FOXP4: variants seen among roughly 807,000 people sequenced by gnomAD.
FOXP4 encodes forkhead box P4, also known as forkhead box protein P4.
A neutral mutation model predicts 82.6 loss-of-function variants in FOXP4; 25 were observed. The observed-to-expected ratio is 0.30, with a 90% CI of 0.22 to 0.42. The LOEUF (loss-of-function observed/expected upper bound fraction) is 0.42. Ranked by LOEUF, FOXP4 falls within the 10% of genes least tolerant of loss-of-function variation. The probability of loss-of-function intolerance (pLI) is 1.00; values close to 1 mark genes in which losing one functional copy is unlikely to be tolerated. For synonymous variants in FOXP4, 415 were observed against 388.2 expected (o/e 1.07, Z -0.81); for missense variants, 785 against 900.9 (o/e 0.87, Z 1.65).
chr6:41,558,996 G>C lies in FOXP4; in HGVS notation c.-16-6749G>C, dbSNP rs1764426079. Among the ~76,000 whole-genome samples the C allele has an allele frequency of 6.6e-6, 1 of 152,138 alleles. No homozygotes were observed. Among genetic ancestry groups the C allele is most frequent in the Non-Finnish European group, 1.5e-5 (1 of 68,030 alleles). ...TGTATTTCAAAGGTTTTTCATTCTG[G>C]AAAAGTCTGAAACCGACGACCCTTC... On this transcript the variant is annotated intron_variant, in intron 1 of 16. Coordinates refer to ENST00000307972, the MANE Select transcript of FOXP4 (RefSeq NM_001012426.2). This position sits in a 1 kb window ranked among gnomAD's most constrained non-coding sequence, Gnocchi z 4.0.
At chr6:41,547,888 C>T (rs1209324884) in intron 1 of FOXP4, among the ~76,000 whole-genome samples, 1 of 152,200 alleles carries the variant, frequency 6.6e-6, no homozygotes, top group Non-Finnish European at 1.5e-5. Context: ...AACAAACTTC[C>T]TTGGGCTGCG....
intron 3 of FOXP4, among the ~76,000 whole-genome samples, chr6:41,584,473 C>A (rs991484105): frequency 6.6e-6 from 1 of 152,230 alleles, no homozygotes; most frequent in African/African-American, 2.4e-5. Context: ...TAATAGCCAA[C>A]CCTTATGTGC....
chr6:41,551,825 A>C (rs976492576), intron 1 of FOXP4, among the ~76,000 whole-genome samples: 8 of 152,196 alleles, frequency 5.3e-5, no homozygotes, highest in African/African-American at 1.4e-4. Flanking sequence ...AGTTGTATCC[A>C]TCCTACGAAC....
intron 3 of FOXP4, among the ~76,000 whole-genome samples, chr6:41,581,833 A>G (rs978061257): frequency 2.0e-5 from 3 of 152,246 alleles, no homozygotes; most frequent in Non-Finnish European, 2.9e-5. Context: ...TTCCAAGGTC[A>G]TCTCTTCCAT....
At chr6:41,577,958 C>CT (rs775986665) in intron 2 of FOXP4, 28 bp from the exon 3 acceptor site, 2 of 1,579,574 alleles carry the variant, frequency 1.3e-6, no homozygotes, top group Non-Finnish European at 1.7e-6. Flanking sequence ...CCTCCCAGGC[C>CT]ATTGCTGACT....
At chr6:41,553,757 G>A (rs1472121517) in intron 1 of FOXP4, among the ~76,000 whole-genome samples, 1 of 152,204 alleles carries the variant, frequency 6.6e-6, no homozygotes, top group Admixed American at 6.5e-5. Context: ...GAAGGACCAA[G>A]CTAGGGACCT....
rs1472462382 is a variant in FOXP4, at chr6:41,601,667, G to A, written c.*2731G>A. 1 of 152,084 alleles carries A rather than the reference G, an allele frequency of 6.6e-6. No homozygotes were observed. Among genetic ancestry groups the A allele is most frequent in the Non-Finnish European group, 1.5e-5 (1 of 68,066 alleles). 9.4% of individuals were successfully genotyped at this position (152,084 alleles called of 1,614,324 possible). A position where few individuals can be genotyped will look rare whatever the true frequency, so the allele number is the denominator to read the frequency against. On this transcript the variant is annotated 3_prime_UTR_variant, in exon 17 of 17. Transcript: ENST00000307972. ...TTTTTTGTATTTTTAGTAGAGACGG[G>A]GTTTCTCTATGTTGGTCAGGCTGAT...
At chr6:41,563,682 T>C (rs1340121414) in intron 1 of FOXP4, among the ~76,000 whole-genome samples, 1 of 152,178 alleles carries the variant, frequency 6.6e-6, no homozygotes, top group Non-Finnish European at 1.5e-5. Flanking sequence ...AAGGCGCTGA[T>C]CAATATTGGG....
intron 14 of FOXP4, 32 bp downstream of exon 14, chr6:41,595,023 C>T: frequency 1.9e-6 from 3 of 1,613,328 alleles, no homozygotes; most frequent in Non-Finnish European, 2.5e-6. Flanking sequence ...TGGGCTGTAC[C>T]TGCCCAGGGG....
In FOXP4 at chr6:41,598,723, G is replaced by A. The variant is rs1561811167; in HGVS notation, c.1896-66G>A. ...GTGCCCCAGAGTTCTGGGTGAGTTT[G>A]GGGGGCAGGGGGCAGAGGGCATCAG... is the stretch of plus-strand genomic sequence containing the variant. On this transcript the variant is annotated intron_variant, in intron 16 of 16. Transcript: ENST00000307972. The A allele has an allele frequency of 1.9e-6, 3 of 1,546,010 alleles. No homozygotes were observed. The South Asian group carries it at 3.6e-5, about 18-fold the overall frequency.
chr6:41,581,728 C>T (rs890588921), intron 3 of FOXP4, among the ~76,000 whole-genome samples: 2 of 152,224 alleles, frequency 1.3e-5, no homozygotes, highest in Non-Finnish European at 2.9e-5. Flanking sequence ...CACCTCGAGA[C>T]GAGTGCACAC....
chr6:41,552,386 T>C (rs1268633344), intron 1 of FOXP4, among the ~76,000 whole-genome samples: 1 of 152,096 alleles, frequency 6.6e-6, no homozygotes, highest in Non-Finnish European at 1.5e-5. Flanking sequence ...GCCAGGCTTT[T>C]TGAGGCTGCG....
chr6:41,585,723 C>T (rs556059015), intron 5 of FOXP4, among the ~76,000 whole-genome samples: 3 of 152,212 alleles, frequency 2.0e-5, no homozygotes, highest in South Asian at 4.2e-4. Context: ...CATTCTTTCT[C>T]TCCTTGCCTC....
rs889876114 is a variant in FOXP4, at chr6:41,598,852, C to T, written c.1959C>T (p.Pro653=). 7 of 1,589,174 alleles carry T rather than the reference C, an allele frequency of 4.4e-6. No individual in the cohort carries two copies. Among genetic ancestry groups the T allele is most frequent in the African/African-American group, 1.3e-5 (1 of 74,762 alleles). ...EAEEDRQPGP[P]LGAPNPSASG... The stretch of plus-strand genomic sequence containing the variant: ...AGGAAGACAGGCAGCCCGGGCCTCC[C>T]CTGGGCGCCCCTAACCCCAGCGCCT... The change falls in exon 17 of 17, where the codon CCC becomes CCT. Residue 653 remains proline, a synonymous_variant. Transcript: ENST00000307972.
At chr6:41,574,620 C>T (rs1272346878) in intron 2 of FOXP4, among the ~76,000 whole-genome samples, 1 of 152,142 alleles carries the variant, frequency 6.6e-6, no homozygotes, top group Non-Finnish European at 1.5e-5. Flanking sequence ...TTCAAGGAGG[C>T]CCCAGTCTGG....
intron 13 of FOXP4, among the ~76,000 whole-genome samples, chr6:41,592,118 G>C (rs1766554373): frequency 6.6e-6 from 1 of 152,058 alleles, no homozygotes; most frequent in Non-Finnish European, 1.5e-5. Context: ...ACGCGGGGAA[G>C]GACTCCCTCT....
chr6:41,591,138 G>T lies in FOXP4; in HGVS notation c.1435-83G>T. The T allele has an allele frequency of 1.8e-6, 2 of 1,084,482 alleles. No individual in the cohort carries two copies. The highest frequency in any genetic ancestry group is 1.3e-5 in the South Asian group (1 of 74,612). 67.2% of individuals were successfully genotyped at this position (1,084,482 alleles called of 1,614,324 possible). ...AGTGAACTCGGGGCTAGGCAGAAGG[G>T]AGAGGTACTGGGGGAGGGAACCCAG... is the stretch of plus-strand genomic sequence containing the variant. On this transcript the variant is annotated intron_variant, in intron 12 of 16. Transcript: ENST00000307972. The surrounding 1 kb of genome is among the most constrained non-coding windows in gnomAD (Gnocchi z 4.2).
intron 1 of FOXP4, among the ~76,000 whole-genome samples, chr6:41,565,008 A>T (rs1276104510): frequency 6.6e-6 from 1 of 152,134 alleles, no homozygotes; most frequent in Non-Finnish European, 1.5e-5. Context: ...CAATAATATG[A>T]TAGGTTCCTA....
In FOXP4 at chr6:41,565,739, C is replaced by T. The variant is rs892176991; in HGVS notation, c.-16-6C>T. ...CCTCTCCCCTGTGTCTCTCTTCCTC[C>T]TCCAGGTACCGCTAGAGCGACATGA... On this transcript the variant is annotated splice_polypyrimidine_tract_variant and splice_region_variant and intron_variant, in intron 1 of 16. Transcript: ENST00000307972. 1 of 1,573,158 alleles carries T rather than the reference C, an allele frequency of 6.4e-7. No homozygotes were observed. Among genetic ancestry groups the T allele is most frequent in the Non-Finnish European group, 8.7e-7 (1 of 1,154,058 alleles).
Sources: gnomAD v4.1 joint callset for allele counts (sites outside exome capture counted in the v4.1 genomes callset) on GRCh38, gnomAD v4.1.1 for gene constraint, Gnocchi (gnomAD v3.1) non-coding constraint, MANE v1.5 for transcripts, NCBI Gene and HGNC (gene_info 2026-07-23, HGNC 2026-07-21) for gene names.